The following CHRM5 variants were observed in gnomAD, a reference collection of about 807,000 sequenced individuals.
CHRM5 encodes cholinergic receptor muscarinic 5, also known as muscarinic acetylcholine receptor M5.
A neutral mutation model predicts 39.0 loss-of-function variants in CHRM5; 18 were observed. That is an observed-to-expected ratio of 0.46 (90% confidence interval 0.32 to 0.68). CHRM5 has a LOEUF of 0.68. Ranked by LOEUF, CHRM5 falls within the 30% of genes least tolerant of loss-of-function variation. The pLI, the probability that CHRM5 is intolerant of heterozygous loss-of-function variation, is 0.04. For synonymous variants in CHRM5, 241 were observed against 246.3 expected, an observed-to-expected ratio of 0.98 and a Z score of 0.20; for missense variants, 515 against 651.1, an observed-to-expected ratio of 0.79 and a Z score of 2.28.
At chr15:34,036,880 C>T (rs140146605) in intron 1 of CHRM5, among the ~76,000 whole-genome samples, 4 of 152,092 alleles carry the variant, frequency 2.6e-5, no homozygotes, top group Admixed American at 6.5e-5. Context: ...GAGGCCGAGG[C>T]GGGTGGATCA....
chr15:33,991,116 A>C (rs1262383461), intron 1 of CHRM5: 2 of 152,376 alleles, frequency 1.3e-5, no homozygotes, highest in South Asian at 2.1e-4. Context: ...AAAGATTAGA[A>C]GATAAAGGAC....
At chr15:34,042,393 T>C (rs1257482835) in intron 1 of CHRM5, among the ~76,000 whole-genome samples, 1 of 149,890 alleles carries the variant, frequency 6.7e-6, no homozygotes, top group Non-Finnish European at 1.5e-5. Context: ...ATACATGACC[T>C]AAGTTTTTTT....
intron 1 of CHRM5, among the ~76,000 whole-genome samples, chr15:34,040,586 C>T (rs987394051): frequency 1.1e-4 from 16 of 152,182 alleles, no homozygotes; most frequent in Non-Finnish European, 2.4e-4. Flanking sequence ...GTGTTGTCTC[C>T]ATTTTACAGA....
chr15:34,038,850 C>A, intron 1 of CHRM5: 1 of 1,165,258 alleles, frequency 8.6e-7, no homozygotes, highest in Non-Finnish European at 1.1e-6. Context: ...TCCTCCTCCT[C>A]GGCCTCCGCG....
At chr15:34,020,049 C>A (rs1898133199) in intron 1 of CHRM5, among the ~76,000 whole-genome samples, 1 of 152,210 alleles carries the variant, frequency 6.6e-6, no homozygotes, top group African/African-American at 2.4e-5. Flanking sequence ...CAGTGGTTCA[C>A]ACCTGTAATC....
intron 1 of CHRM5, among the ~76,000 whole-genome samples, chr15:34,028,485 A>G (rs866802065): frequency 3.3e-5 from 5 of 152,200 alleles, no homozygotes; most frequent in Admixed American, 2.6e-4. Flanking sequence ...GGATCACTTA[A>G]GCCAAGGAGG....
intron 1 of CHRM5, among the ~76,000 whole-genome samples, chr15:34,043,650 T>C (rs1022306758): frequency 3.3e-5 from 5 of 152,182 alleles, no homozygotes; most frequent in Admixed American, 3.3e-4. Flanking sequence ...TCATAAGTCA[T>C]AAGGGTACTT....
intron 1 of CHRM5, among the ~76,000 whole-genome samples, chr15:34,019,768 G>A (rs1335856727): frequency 1.3e-5 from 2 of 152,298 alleles, no homozygotes; most frequent in East Asian, 3.9e-4. Flanking sequence ...TACCGCCTGG[G>A]TGTACAGTAG....
intron 1 of CHRM5, among the ~76,000 whole-genome samples, chr15:34,033,151 G>A (rs1281088413): frequency 1.3e-5 from 2 of 151,988 alleles, no homozygotes; most frequent in Admixed American, 6.6e-5. Context: ...GTTCATCCAC[G>A]GATACTCAAA....
intron 1 of CHRM5, among the ~76,000 whole-genome samples, chr15:33,986,492 CATTA>C (rs1896476231): frequency 6.6e-6 from 1 of 152,188 alleles, no homozygotes; most frequent in Non-Finnish European, 1.5e-5. Context: ...TATAAAACCA[CATTA>C]ATTATCTACT....
In CHRM5 at chr15:34,033,372, G is replaced by A. The variant is rs184981152; in HGVS notation, c.-407-13168G>A. ...ATACAAAAAATTAGCCGGGTGTGGC[G>A]GTGTGCACCTGTAGTCCCAGCTACT... is the stretch of plus-strand genomic sequence containing the variant. On this transcript the variant is annotated intron_variant, in intron 1 of 2. Coordinates refer to ENST00000383263, the MANE Select transcript of CHRM5 (RefSeq NM_012125.4). Among the ~76,000 whole-genome samples, 436 of 152,104 alleles carry A rather than the reference G, an allele frequency of 2.9e-3. 3 individuals are homozygous for A. Among genetic ancestry groups the A allele is most frequent in the Non-Finnish European group, 4.7e-3 (319 of 68,006 alleles).
chr15:34,054,184 G>A (rs1317047260), intron 2 of CHRM5, among the ~76,000 whole-genome samples: 4 of 152,190 alleles, frequency 2.6e-5, no homozygotes, highest in African/African-American at 4.8e-5. Flanking sequence ...AACAACAGAT[G>A]CTGGCAAGGC....
intron 1 of CHRM5, among the ~76,000 whole-genome samples, chr15:34,041,175 C>A (rs181974802): frequency 6.6e-6 from 1 of 152,206 alleles, no homozygotes; most frequent in East Asian, 1.9e-4. Flanking sequence ...GGCCTCTACC[C>A]ACTAGATGCC....
intron 2 of CHRM5, among the ~76,000 whole-genome samples, chr15:34,048,712 C>A (rs1175847248): frequency 6.6e-6 from 1 of 152,246 alleles, no homozygotes; most frequent in Non-Finnish European, 1.5e-5. Flanking sequence ...AGCCAGACTG[C>A]TTCTTTAAGT....
chr15:34,019,842 G>A (rs1282808416), intron 1 of CHRM5, among the ~76,000 whole-genome samples: 1 of 152,074 alleles, frequency 6.6e-6, no homozygotes, highest in Admixed American at 6.5e-5. Flanking sequence ...GTCACCTAAC[G>A]ACATGTTTCT....
At chr15:34,022,954 G>A (rs1004767219) in intron 1 of CHRM5, among the ~76,000 whole-genome samples, 4 of 152,312 alleles carry the variant, frequency 2.6e-5, no homozygotes, top group East Asian at 1.9e-4. Flanking sequence ...TTGGGAGGCC[G>A]AGGCGGGCGG....
At chr15:33,986,138 G>A (rs186988822) in intron 1 of CHRM5, among the ~76,000 whole-genome samples, 3 of 150,600 alleles carry the variant, frequency 2.0e-5, no homozygotes, top group South Asian at 2.1e-4. Context: ...ATGGACTCTC[G>A]CTCTGTCGCC....
chr15:34,006,283 C>T (rs1381339688), intron 1 of CHRM5, among the ~76,000 whole-genome samples: 1 of 151,760 alleles, frequency 6.6e-6, no homozygotes, highest in Non-Finnish European at 1.5e-5. Flanking sequence ...TGCAATCCAG[C>T]CCGGGCAACA....
chr15:33,972,814 C>T (rs896137316), intron 1 of CHRM5, among the ~76,000 whole-genome samples: 5 of 152,170 alleles, frequency 3.3e-5, no homozygotes, highest in African/African-American at 4.8e-5. Context: ...AGTGGCAATA[C>T]CCTGATTCAG....
Sources: allele counts gnomAD v4.1 joint callset (sites outside exome capture counted in the v4.1 genomes callset), GRCh38; gene constraint gnomAD v4.1.1; transcripts MANE v1.5; gene names NCBI Gene and HGNC (gene_info 2026-07-23, HGNC 2026-07-21).